RIPOR2: variants seen among roughly 807,000 people sequenced by gnomAD.
RIPOR2 encodes the protein RHO family interacting cell polarization regulator 2, also known as rho family-interacting cell polarization regulator 2.
In RIPOR2, 39 loss-of-function variants were observed where a neutral mutation model predicts 114.5. The observed-to-expected ratio is 0.34, with a 90% CI of 0.26 to 0.44. The LOEUF is 0.44. Among genes scored for constraint, RIPOR2 ranks in the 20% least tolerant of loss-of-function variants. RIPOR2 has a pLI of 1.00. For missense variants in RIPOR2, 1,007 were observed against 1,255.1 expected (o/e 0.80, Z 2.99); for synonymous variants, 445 against 484.4 (o/e 0.92, Z 1.07).
At chr6:24,909,856 A>G (rs1295646762) in intron 1 of RIPOR2, among the ~76,000 whole-genome samples, 1 of 152,024 alleles carries the variant, frequency 6.6e-6, no homozygotes, top group African/African-American at 2.4e-5. Flanking sequence ...GAGCCTACCA[A>G]TCTCACTCTG....
intron 1 of RIPOR2, among the ~76,000 whole-genome samples, chr6:24,953,355 A>G (rs1772874026): frequency 6.6e-6 from 1 of 152,170 alleles, no homozygotes; most frequent in South Asian, 2.1e-4. Context: ...AATTAAGGTT[A>G]AATGAAATCA....
chr6:24,810,762 A>ATT (rs61298573), intron 20 of RIPOR2, among the ~76,000 whole-genome samples: 13 of 150,786 alleles, frequency 8.6e-5, no homozygotes, highest in Middle Eastern at 3.4e-3. Flanking sequence ...CCTGAAGGTA[A>ATT]TTTTTTTTTT....
At chr6:24,988,077 A>G (rs2113607747) in intron 1 of RIPOR2, among the ~76,000 whole-genome samples, 1 of 152,384 alleles carries the variant, frequency 6.6e-6, no homozygotes, top group Non-Finnish European at 1.5e-5. Flanking sequence ...GTTCAGAAGT[A>G]GACTTCATGA....
chr6:24,949,676 A>G (rs1772647036), intron 1 of RIPOR2, among the ~76,000 whole-genome samples: 6 of 152,208 alleles, frequency 3.9e-5, no homozygotes, highest in Admixed American at 3.9e-4. Context: ...TTCTAATATC[A>G]TGGAAACCCA....
intron 1 of RIPOR2, chr6:25,023,980 A>G (rs374806759): frequency 1.4e-6 from 1 of 737,114 alleles, no homozygotes; most frequent in African/African-American, 1.7e-5. Context: ...AGTGACCGGG[A>G]TAGGAATCCC....
Position 24,825,346 on chromosome 6 carries a change from C to A in RIPOR2, c.2748G>T (p.Leu916=). ...TMSDLAPSNL[L]AQQEVLRTLA... ...GAGTCCTGAGTACTTCCTGCTGGGC[C>A]AGGAGGTTGCTGGGAGCAAGGTCAC... The change falls in exon 19 of 22, where the codon CTG becomes CTT. Residue 916 remains leucine, a synonymous_variant. Coordinates refer to ENST00000643898, the MANE Select transcript of RIPOR2 (RefSeq NM_001286445.3). 1 of 1,551,996 alleles carries A rather than the reference C, an allele frequency of 6.4e-7. No homozygotes were observed. Among genetic ancestry groups the A allele is most frequent in the East Asian group, 2.4e-5 (1 of 40,924 alleles).
chr6:24,839,023 C>G, intron 14 of RIPOR2, 68 bp downstream of exon 14: 1 of 1,311,930 alleles, frequency 7.6e-7, no homozygotes, highest in East Asian at 2.5e-5. Flanking sequence ...TCCCCTCTGA[C>G]AGTAACAAAG....
At chr6:25,019,068 T>C (rs1265951497) in intron 1 of RIPOR2, among the ~76,000 whole-genome samples, 1 of 152,222 alleles carries the variant, frequency 6.6e-6, no homozygotes, top group Non-Finnish European at 1.5e-5. Context: ...CTTTAAAATA[T>C]ATATTTAGAA....
At chr6:24,990,499 G>A (rs1774761596) in intron 1 of RIPOR2, among the ~76,000 whole-genome samples, 1 of 152,112 alleles carries the variant, frequency 6.6e-6, no homozygotes, top group Admixed American at 6.6e-5. Context: ...CGTACCCTGG[G>A]GCTTCTGAAA....
At chr6:24,847,522 C>G in intron 12 of RIPOR2, 2 of 1,549,318 alleles carry the variant, frequency 1.3e-6, no homozygotes, top group African/African-American at 2.7e-5. Context: ...GCACTCCATA[C>G]CCGGGCAGGC....
intron 1 of RIPOR2, among the ~76,000 whole-genome samples, chr6:24,934,725 TG>T (rs1273402913): frequency 6.6e-6 from 1 of 152,200 alleles, no homozygotes. Context: ...TTTATTTAGG[TG>T]GCTCCAAATT....
chr6:24,924,317 T>C (rs528797377), intron 1 of RIPOR2, among the ~76,000 whole-genome samples: 24 of 152,312 alleles, frequency 1.6e-4, no homozygotes, highest in African/African-American at 5.5e-4. Flanking sequence ...CTCATTATCA[T>C]GCATTATGGT....
intron 1 of RIPOR2, among the ~76,000 whole-genome samples, chr6:24,993,925 A>G (rs930347770): frequency 6.6e-6 from 1 of 152,230 alleles, no homozygotes; most frequent in African/African-American, 2.4e-5. Flanking sequence ...ATTTGGTATC[A>G]TTTTTAAAAT....
At position 24,935,957 on chromosome 6, in the gene RIPOR2, C is replaced by T; in HGVS notation, c.-59G>A. On this transcript the variant is annotated 5_prime_UTR_variant, in exon 1 of 22. It adds an upstream start codon to the 5' untranslated region. Coordinates refer to ENST00000643898, the MANE Select transcript of RIPOR2 (RefSeq NM_001286445.3). ...GCAGCCCCGGCAGTCTCAGCAGTCA[C>T]ACTGCCGACCGAGGTGATTTCCTTT... 5 of 1,262,344 alleles carry T rather than the reference C, an allele frequency of 4.0e-6. No individual in the cohort carries two copies. Among genetic ancestry groups the T allele is most frequent in the Non-Finnish European group, 5.6e-6 (5 of 899,604 alleles). 78.2% of individuals were successfully genotyped at this position (1,262,344 alleles called of 1,614,324 possible).
intron 1 of RIPOR2, among the ~76,000 whole-genome samples, chr6:24,884,034 T>C (rs1766579665): frequency 6.6e-6 from 1 of 152,188 alleles, no homozygotes; most frequent in Admixed American, 6.5e-5. Flanking sequence ...AAGGTACCTA[T>C]TACAGAGCAG....
chr6:24,974,899 A>G (rs1046424187), intron 1 of RIPOR2, among the ~76,000 whole-genome samples: 5 of 152,366 alleles, frequency 3.3e-5, no homozygotes, highest in South Asian at 2.1e-4. Context: ...ACAAAAAACT[A>G]CATATTGTAT....
In RIPOR2 at chr6:24,855,347, G is replaced by C. The variant is rs188590731; in HGVS notation, c.716-2729C>G. Among the ~76,000 whole-genome samples, 53 of 151,690 alleles carry C rather than the reference G, an allele frequency of 3.5e-4. No homozygotes were observed. The East Asian group carries it at 9.8e-3, about 28-fold the overall frequency. On this transcript the variant is annotated intron_variant, in intron 8 of 21. Coordinates refer to ENST00000643898, the MANE Select transcript of RIPOR2 (RefSeq NM_001286445.3). ...AATAATTTTAACAAAACTTAGCACT[G>C]GGTGGAATGATTATATATGACTTTA...
chr6:24,867,908 A>T (rs1249265075), intron 6 of RIPOR2, among the ~76,000 whole-genome samples: 1 of 152,132 alleles, frequency 6.6e-6, no homozygotes, highest in Non-Finnish European at 1.5e-5. Context: ...ACCTTTGAAA[A>T]CCATTGGGAT....
intron 4 of RIPOR2, among the ~76,000 whole-genome samples, chr6:24,871,254 A>T (rs1177300832): frequency 6.6e-6 from 1 of 152,232 alleles, no homozygotes; most frequent in Non-Finnish European, 1.5e-5. Flanking sequence ...ATTAAAAAAA[A>T]TTTAAAATAA....
Sources: allele counts gnomAD v4.1 joint callset (sites outside exome capture counted in the v4.1 genomes callset), GRCh38; gene constraint gnomAD v4.1.1; transcripts MANE v1.5; gene names NCBI Gene and HGNC (gene_info 2026-07-23, HGNC 2026-07-21).